NDUFAF6: variants seen among roughly 807,000 people sequenced by gnomAD.
NDUFAF6 encodes NADH dehydrogenase (ubiquinone) complex I, assembly factor 6.
A neutral mutation model predicts 40.8 loss-of-function variants in NDUFAF6; 45 were observed. That is an observed-to-expected ratio of 1.10 (90% CI 0.87 to 1.42). NDUFAF6 has a LOEUF of 1.42. NDUFAF6 is among the 40% of genes most tolerant of loss of function. NDUFAF6 has a pLI of 0.00. For synonymous variants in NDUFAF6, 185 were observed against 155.9 expected (o/e 1.19, Z -1.39); for missense variants, 435 against 418.5 (o/e 1.04, Z -0.34).
At chr8:94,949,351 C>T (rs1822344833) in intron 2 of NDUFAF6, 1 of 150,986 alleles carries the variant, frequency 6.6e-6, no homozygotes, top group Admixed American at 6.6e-5. Flanking sequence ...CAGTCCAAGT[C>T]CTTTTGTTGT....
At chr8:95,033,405 C>T (rs966462483) in intron 2 of NDUFAF6, among the ~76,000 whole-genome samples, 6 of 152,210 alleles carry the variant, frequency 3.9e-5, no homozygotes, top group African/African-American at 1.4e-4. Context: ...CTTTGTACTT[C>T]TTTGTACACT....
intron 1 of NDUFAF6, among the ~76,000 whole-genome samples, chr8:94,921,264 A>C (rs1281129334): frequency 6.6e-6 from 1 of 152,184 alleles, no homozygotes; most frequent in East Asian, 1.9e-4. Context: ...TAGTTCTCGA[A>C]TCTTCAAGTG....
At chr8:95,036,885 C>T (rs531457087) in intron 3 of NDUFAF6, among the ~76,000 whole-genome samples, 3 of 152,284 alleles carry the variant, frequency 2.0e-5, no homozygotes, top group South Asian at 2.1e-4. Flanking sequence ...TGAAGCTGAA[C>T]GTGAATATTT....
At chr8:95,112,669 A>C (rs1049518404) in intron 4 of NDUFAF6, among the ~76,000 whole-genome samples, 2 of 152,164 alleles carry the variant, frequency 1.3e-5, no homozygotes, top group Admixed American at 1.3e-4. Flanking sequence ...CTGTTTGCCT[A>C]CCACGTTGCA....
chr8:95,044,404 C>T (rs985984409), intron 4 of NDUFAF6: 8 of 150,208 alleles, frequency 5.3e-5, no homozygotes, highest in African/African-American at 2.0e-4. Flanking sequence ...CAAAAAAAAC[C>T]ATAAAGGATG....
chr8:95,039,461 AAAG>A (rs1297980728), intron 3 of NDUFAF6, among the ~76,000 whole-genome samples: 2 of 150,348 alleles, frequency 1.3e-5, no homozygotes, highest in African/African-American at 2.5e-5. Flanking sequence ...CAAAAAAAAA[AAAG>A]GGGGGGTTTC....
chr8:95,102,506 C>G (rs1302131406), intron 2 of NDUFAF6, among the ~76,000 whole-genome samples: 3 of 152,230 alleles, frequency 2.0e-5, no homozygotes, highest in African/African-American at 7.2e-5. Flanking sequence ...TGTCAAAGAG[C>G]ACATGGCTGT....
Position 95,032,005 on chromosome 8 carries a change from T to G in NDUFAF6, c.208T>G (p.Tyr70Asp), listed in dbSNP as rs1316305338. 1.2e-6 allele frequency: 2 copies of G among 1,613,870 alleles called. No individual in the cohort carries two copies. The highest frequency in any genetic ancestry group is 2.7e-5 in the African/African-American group (2 of 74,910). ...TTCTGTCTGTTACAGGAAACGGGATTATGAAGGTTATTTATGCTCCCTGCT... is the reference window on the plus strand; with the variant it reads ...TTCTGTCTGTTACAGGAAACGGGATGATGAAGGTTATTTATGCTCCCTGCT... ...YCLELLRKRD[Y>D]EGYLCSLLLP... Residue 70 changes from tyrosine to aspartate, a missense_variant, in exon 2 of 9, where the codon TAT becomes GAT. Physicochemically the swap from Tyr to Asp is radical, Grantham distance 160. Coordinates refer to ENST00000396124, the MANE Select transcript of NDUFAF6 (RefSeq NM_152416.4).
At chr8:94,952,759 T>G (rs973583203) in intron 2 of NDUFAF6, among the ~76,000 whole-genome samples, 3 of 152,144 alleles carry the variant, frequency 2.0e-5, no homozygotes, top group Non-Finnish European at 4.4e-5. Flanking sequence ...CTTTGTGACT[T>G]TTGTATGTTT....
chr8:94,901,420 T>C (rs1818009726), intron 1 of NDUFAF6, among the ~76,000 whole-genome samples: 1 of 151,680 alleles, frequency 6.6e-6, no homozygotes, highest in African/African-American at 2.4e-5. Context: ...GGATATACGC[T>C]GAAAGTAGAG....
At chr8:94,932,928 G>A (rs2131324067) in intron 1 of NDUFAF6, among the ~76,000 whole-genome samples, 1 of 152,258 alleles carries the variant, frequency 6.6e-6, no homozygotes, top group East Asian at 1.9e-4. Context: ...AAAATTCAGT[G>A]CATTCTGGCC....
At chr8:94,915,098 G>C (rs1040547393) in intron 1 of NDUFAF6, among the ~76,000 whole-genome samples, 2 of 151,780 alleles carry the variant, frequency 1.3e-5, no homozygotes, top group East Asian at 3.9e-4. Context: ...GGAGTCCCCA[G>C]TGTCTGTTGT....
intron 1 of NDUFAF6, among the ~76,000 whole-genome samples, chr8:94,958,593 G>A (rs1052991402): frequency 3.9e-5 from 5 of 128,560 alleles, no homozygotes; most frequent in Admixed American, 9.7e-5. Flanking sequence ...AGAGTGCAGT[G>A]GCATGATCTC....
At chr8:94,955,007 A>T (rs192658124), upstream of NDUFAF6, among the ~76,000 whole-genome samples, 11 of 152,198 alleles carry the variant, frequency 7.2e-5, no homozygotes, top group African/African-American at 2.4e-4. Flanking sequence ...TAAGGAAGGA[A>T]AGAACAGATA....
intron 1 of NDUFAF6, among the ~76,000 whole-genome samples, chr8:94,904,421 C>T (rs940943591): frequency 1.4e-5 from 2 of 146,048 alleles, no homozygotes; most frequent in Non-Finnish European, 3.0e-5. Flanking sequence ...CGTGATCTGC[C>T]CGCCTCGGCC....
intron 1 of NDUFAF6, among the ~76,000 whole-genome samples, chr8:94,960,820 C>T (rs1166051362): frequency 6.6e-6 from 1 of 152,162 alleles, no homozygotes; most frequent in Non-Finnish European, 1.5e-5. Flanking sequence ...CTATTTTTGT[C>T]CCTGACTGTT....
chr8:95,072,232 C>T (rs1832891031), intron 9 of NDUFAF6, among the ~76,000 whole-genome samples: 1 of 152,116 alleles, frequency 6.6e-6, no homozygotes, highest in South Asian at 2.1e-4. Flanking sequence ...CTTCGCAGCA[C>T]CCCCAGACCT....
At chr8:94,930,876 A>G (rs1363957640) in intron 1 of NDUFAF6, 4 of 970,084 alleles carry the variant, frequency 4.1e-6, no homozygotes, top group African/African-American at 3.3e-5. Context: ...CAAGTTTATT[A>G]TTCTGTGACC....
intron 2 of NDUFAF6, chr8:95,102,948 A>G (rs1809699256): frequency 6.6e-6 from 1 of 152,182 alleles, no homozygotes; most frequent in Non-Finnish European, 1.5e-5. Flanking sequence ...GCCGCACACC[A>G]ACTTTGCTTT....
Sources: gnomAD v4.1 joint callset for allele counts (sites outside exome capture counted in the v4.1 genomes callset) on GRCh38, gnomAD v4.1.1 for gene constraint, MANE v1.5 for transcripts, NCBI Gene and HGNC (gene_info 2026-07-23, HGNC 2026-07-21) for gene names.